The following RGS5 variants were observed in gnomAD, a reference collection of about 807,000 sequenced individuals.
RGS5 encodes the protein regulator of G protein signaling 5.
In RGS5, 20 loss-of-function variants were observed where a neutral mutation model predicts 18.9. The ratio of observed to expected loss-of-function variants is 1.06; its 90% CI spans 0.74 to 1.54. The LOEUF is 1.54. Among genes scored for constraint, RGS5 ranks in the 40% most tolerant of loss-of-function variants. The probability of loss-of-function intolerance (pLI) is 0.00; values close to 1 mark genes in which losing one functional copy is unlikely to be tolerated. For missense variants in RGS5, 201 were observed against 211.8 expected (o/e 0.95, Z 0.32); for synonymous variants, 57 against 76.2 (o/e 0.75, Z 1.31).
chr1:163,277,984 T>TA (rs1188992377), intron 2 of RGS5, among the ~76,000 whole-genome samples: 1 of 150,976 alleles, frequency 6.6e-6, no homozygotes, highest in Non-Finnish European at 1.5e-5. Flanking sequence ...AAAGAAAAAA[T>TA]AAATAAAATA....
intron 2 of RGS5, chr1:163,238,366 T>C (rs1409826454): frequency 6.6e-6 from 1 of 152,244 alleles, no homozygotes; most frequent in East Asian, 1.9e-4. Flanking sequence ...CCAAATGTTT[T>C]CTTTTAACTA....
chr1:163,187,014 A>G (rs1299417908), intron 1 of RGS5, among the ~76,000 whole-genome samples: 2 of 152,128 alleles, frequency 1.3e-5, no homozygotes, highest in East Asian at 3.9e-4. Context: ...TTTCTTTTTC[A>G]TGCTCTCGAG....
chr1:163,210,201 G>A (rs1275348488), intron 1 of RGS5, among the ~76,000 whole-genome samples: 1 of 151,722 alleles, frequency 6.6e-6, no homozygotes, highest in Non-Finnish European at 1.5e-5. Flanking sequence ...GTTTCTCCAT[G>A]TTGCCCATGC....
At chr1:163,241,810 T>C (rs1004898100) in intron 2 of RGS5, among the ~76,000 whole-genome samples, 4 of 152,160 alleles carry the variant, frequency 2.6e-5, no homozygotes, top group African/African-American at 9.7e-5. Context: ...AAAGACACAA[T>C]ATTTTCACTG....
intron 2 of RGS5, chr1:163,266,450 T>C (rs2101709069): frequency 6.6e-6 from 1 of 152,272 alleles, no homozygotes; most frequent in East Asian, 1.9e-4. Context: ...ACCATGTTTT[T>C]CTTCAATAGC....
chr1:163,283,556 T>G (rs115931873), intron 2 of RGS5, among the ~76,000 whole-genome samples: 2,640 of 152,256 alleles, frequency 0.017, 83 homozygotes, highest in African/African-American at 0.06. Context: ...CCATGAAATT[T>G]CCACTCCGTG....
At chr1:163,290,597 C>T (rs989088575) in intron 2 of RGS5, among the ~76,000 whole-genome samples, 8 of 150,578 alleles carry the variant, frequency 5.3e-5, no homozygotes, top group Non-Finnish European at 1.2e-4. Context: ...TTTTCTCTCT[C>T]ATGGCAACCA....
intron 2 of RGS5, among the ~76,000 whole-genome samples, chr1:163,226,958 G>A (rs929435831): frequency 6.6e-6 from 1 of 152,086 alleles, no homozygotes; most frequent in African/African-American, 2.4e-5. Context: ...AAAATAAGAG[G>A]AGTGATAGTC....
chr1:163,277,735 G>T (rs958754967), intron 2 of RGS5, among the ~76,000 whole-genome samples: 2 of 152,012 alleles, frequency 1.3e-5, no homozygotes, highest in Non-Finnish European at 2.9e-5. Context: ...ATCAACGGGG[G>T]TCCAACATGA....
intron 3 of RGS5, among the ~76,000 whole-genome samples, chr1:163,157,754 G>T (rs1657643583): frequency 6.6e-6 from 1 of 152,048 alleles, no homozygotes; most frequent in African/African-American, 2.4e-5. Flanking sequence ...TAGCAACAGG[G>T]TCTCTCTCTG....
At chr1:163,262,235 C>T (rs1648463239) in intron 2 of RGS5, among the ~76,000 whole-genome samples, 1 of 119,642 alleles carries the variant, frequency 8.4e-6, no homozygotes, top group Non-Finnish European at 1.7e-5. Context: ...TATACATGTG[C>T]CATGCTGGTG....
chr1:163,166,395 A>C (rs1182300561), intron 2 of RGS5, among the ~76,000 whole-genome samples: 3 of 152,238 alleles, frequency 2.0e-5, no homozygotes, highest in African/African-American at 7.2e-5. Flanking sequence ...GAAGGGTTAA[A>C]AATACCTCCA....
intron 1 of RGS5, among the ~76,000 whole-genome samples, chr1:163,314,776 C>G (rs557714512): frequency 6.6e-6 from 1 of 152,026 alleles, no homozygotes; most frequent in Non-Finnish European, 1.5e-5. Flanking sequence ...GGGACTAGTG[C>G]CCTTAAAAAA....
chr1:163,155,608 A>C (rs978433575), intron 3 of RGS5, among the ~76,000 whole-genome samples: 1 of 152,080 alleles, frequency 6.6e-6, no homozygotes, highest in African/African-American at 2.4e-5. Context: ...CTCAGCCACT[A>C]TCTCTGTTTA....
chr1:163,318,348 T>C (rs1206248086), intron 1 of RGS5, among the ~76,000 whole-genome samples: 1 of 152,098 alleles, frequency 6.6e-6, no homozygotes, highest in African/African-American at 2.4e-5. Flanking sequence ...GCAAGTGAAA[T>C]AGATTTACAT....
chr1:163,154,566 G>A (rs941767989), intron 3 of RGS5, among the ~76,000 whole-genome samples: 4 of 151,408 alleles, frequency 2.6e-5, no homozygotes, highest in Non-Finnish European at 5.9e-5. Context: ...GAAAAGAAGG[G>A]AAAAGGAAAA....
chr1:163,280,217 C>G (rs887995150), intron 2 of RGS5, among the ~76,000 whole-genome samples: 3 of 151,890 alleles, frequency 2.0e-5, no homozygotes, highest in Non-Finnish European at 4.4e-5. Context: ...AAAAAACAAG[C>G]CTACAAGCCA....
intron 1 of RGS5, among the ~76,000 whole-genome samples, chr1:163,174,852 C>G (rs1658478104): frequency 6.6e-6 from 1 of 152,178 alleles, no homozygotes; most frequent in Non-Finnish European, 1.5e-5. Flanking sequence ...ATGTCAGGAA[C>G]AGCGAGAAGG....
chr1:163,296,352 T>C (rs1649419444), intron 2 of RGS5, among the ~76,000 whole-genome samples: 1 of 152,198 alleles, frequency 6.6e-6, no homozygotes, highest in Admixed American at 6.5e-5. Flanking sequence ...TCTTCTAATA[T>C]TTGGCTAAGA....
Sources: gnomAD v4.1 joint callset for allele counts (sites outside exome capture counted in the v4.1 genomes callset) on GRCh38, gnomAD v4.1.1 for gene constraint, MANE v1.5 for transcripts, NCBI Gene and HGNC (gene_info 2026-07-23, HGNC 2026-07-21) for gene names.